NUDCD1: variants seen among roughly 807,000 people sequenced by gnomAD.
NUDCD1 encodes NudC domain containing 1.
NUDCD1 carries 60 observed loss-of-function variants against 67.8 expected under a neutral mutation model. The observed-to-expected ratio is 0.88, with a 90% CI of 0.72 to 1.10. The LOEUF (loss-of-function observed/expected upper bound fraction) is 1.10. Ranked by LOEUF, NUDCD1 falls within the 50% of genes least tolerant of loss-of-function variation. NUDCD1 has a pLI of 0.00. For missense variants in NUDCD1, 643 were observed against 695.0 expected, an observed-to-expected ratio of 0.93 and a Z score of 0.84; for synonymous variants, 244 against 230.8, an observed-to-expected ratio of 1.06 and a Z score of -0.52.
intron 6 of NUDCD1, among the ~76,000 whole-genome samples, chr8:109,278,867 G>A (rs1199969679): frequency 6.6e-6 from 1 of 152,022 alleles, no homozygotes; most frequent in Non-Finnish European, 1.5e-5. Context: ...ATTTGTTTTG[G>A]CTTTGTTTTG....
intron 7 of NUDCD1, among the ~76,000 whole-genome samples, chr8:109,271,587 A>G (rs2129953010): frequency 6.6e-6 from 1 of 152,300 alleles, no homozygotes; most frequent in Non-Finnish European, 1.5e-5. Context: ...ACAATATCAA[A>G]TGGTCTAGCA....
At chr8:109,320,221 T>C (rs537160316) in intron 2 of NUDCD1, among the ~76,000 whole-genome samples, 1 of 152,300 alleles carries the variant, frequency 6.6e-6, no homozygotes, top group Admixed American at 6.5e-5. Context: ...GGCAGGAATT[T>C]CCTCTTCCTA....
rs1011801925 is a variant in NUDCD1 at position 109,298,984 on chromosome 8, C to G, written c.274-2415G>C. Reference sequence around the variant, plus strand: ...GAGAGACCCCTCAAACACACACCCCCACTTGGAACCTGAAGGTCTAGGTTA... The same window carrying G: ...GAGAGACCCCTCAAACACACACCCCGACTTGGAACCTGAAGGTCTAGGTTA... On this transcript the variant is annotated intron_variant, in intron 2 of 9. Coordinates refer to ENST00000239690, the MANE Select transcript of NUDCD1 (RefSeq NM_032869.4). 2.2e-4 allele frequency: 34 copies of G among 152,606 alleles called. 1 individual carries two copies. Among genetic ancestry groups the G allele is most frequent in the Admixed American group, 2.1e-3 (32 of 15,304 alleles). The allele number at this position is 152,606 out of a possible 1,614,324, so 9.5% of individuals were successfully genotyped here.
intron 8 of NUDCD1, among the ~76,000 whole-genome samples, chr8:109,246,973 C>T (rs1563657040): frequency 6.6e-6 from 1 of 152,214 alleles, no homozygotes; most frequent in Admixed American, 6.5e-5. Flanking sequence ...AACCCATCTT[C>T]TGCTCCCCAG....
intron 1 of NUDCD1, among the ~76,000 whole-genome samples, chr8:109,333,317 T>TA (rs1283313194): frequency 6.6e-6 from 1 of 152,176 alleles, no homozygotes; most frequent in African/African-American, 2.4e-5. Context: ...CAGCTACAGA[T>TA]AAAGCAAGGA....
Position 109,333,907 on chromosome 8 carries a change from A to G in NUDCD1, c.104T>C (p.Leu35Pro). The change falls in exon 1 of 10, where the codon CTG (leucine) becomes CCG (proline). Residue 35 changes from leucine (L) to proline (P), a missense_variant. Transcript: ENST00000239690. Reference sequence around the variant, plus strand: ...CCGCTTCCCACCTGCGTCAAGCTCCAGCTGGTAACAAGGCAGCGGCTCAAG... The same window carrying G: ...CCGCTTCCCACCTGCGTCAAGCTCCGGCTGGTAACAAGGCAGCGGCTCAAG... ...LSLEPLPCYQ[L>P]ELDAAVAEVK... 6.2e-7 allele frequency: 1 copy of G among 1,614,180 alleles called. No individual in the cohort carries two copies. The highest frequency in any genetic ancestry group is 1.1e-5 in the South Asian group (1 of 91,088).
At chr8:109,332,050 CAT>C (rs763451094) in intron 1 of NUDCD1, among the ~76,000 whole-genome samples, 20 of 152,174 alleles carry the variant, frequency 1.3e-4, no homozygotes, top group Non-Finnish European at 1.9e-4. Context: ...TTCTCTTCTT[CAT>C]ATACTCATTT....
Position 109,330,382 on chromosome 8 carries a change from C to T in NUDCD1, c.118+3511G>A, listed in dbSNP as rs187607338. Among the ~76,000 whole-genome samples, 326 of 152,146 alleles carry T rather than the reference C, an allele frequency of 2.1e-3. 2 individuals carry two copies. Among genetic ancestry groups the T allele is most frequent in the African/African-American group, 7.4e-3 (309 of 41,492 alleles). ...GCAGTGTTTCAGGTAGCCAAGGTGC[C>T]CATCAAAGGTTTGTGGAACTAAAGT... On this transcript the variant is annotated intron_variant, in intron 1 of 9. Coordinates refer to ENST00000239690, the MANE Select transcript of NUDCD1 (RefSeq NM_032869.4).
chr8:109,246,291 C>T (rs185299505), intron 8 of NUDCD1, among the ~76,000 whole-genome samples: 1 of 152,290 alleles, frequency 6.6e-6, no homozygotes, highest in Admixed American at 6.5e-5. Flanking sequence ...TATGAGCACA[C>T]TCTCATAACA....
intron 8 of NUDCD1, among the ~76,000 whole-genome samples, chr8:109,262,871 T>C (rs552083764): frequency 1.3e-5 from 2 of 151,792 alleles, no homozygotes; most frequent in South Asian, 2.1e-4. Context: ...CTGGCCAACA[T>C]GGTGAAACCT....
chr8:109,245,466 T>C lies in NUDCD1; in HGVS notation c.1315A>G (p.Asn439Asp). ...ACTATGACAGAGAAAAGGTACTGGTTGCTTCCAAGATTCACCTAAAAAGTG... is the reference window on the plus strand; with the variant it reads ...ACTATGACAGAGAAAAGGTACTGGTCGCTTCCAAGATTCACCTAAAAAGTG... ...KTTHVVNLGS[N>D]QYLFSVIVDP... Residue 439 changes from asparagine to aspartate, a missense_variant, in exon 9 of 10, where the codon AAC becomes GAC. Asn to Asp is a conservative substitution (Grantham distance 23). Coordinates refer to ENST00000239690, the MANE Select transcript of NUDCD1 (RefSeq NM_032869.4). The C allele has an allele frequency of 6.2e-7, 1 of 1,608,304 alleles. No homozygotes were observed. The highest frequency in any genetic ancestry group is 2.2e-5 in the East Asian group (1 of 44,782).
chr8:109,261,276 G>T (rs1427727009), intron 8 of NUDCD1, among the ~76,000 whole-genome samples: 2 of 152,012 alleles, frequency 1.3e-5, no homozygotes, highest in Non-Finnish European at 2.9e-5. Flanking sequence ...ATTACACAAG[G>T]ACTACAAGGT....
chr8:109,320,146 G>A (rs1183197980), intron 2 of NUDCD1, among the ~76,000 whole-genome samples: 1 of 152,186 alleles, frequency 6.6e-6, no homozygotes, highest in African/African-American at 2.4e-5. Flanking sequence ...AGGCACCATT[G>A]TCATTGATAA....
chr8:109,321,755 G>C (rs1009579625), intron 2 of NUDCD1, among the ~76,000 whole-genome samples: 1 of 151,754 alleles, frequency 6.6e-6, no homozygotes, highest in Non-Finnish European at 1.5e-5. Context: ...TTAAAAACAA[G>C]AACACTGATA....
chr8:109,298,673 C>T (rs1314790233), intron 2 of NUDCD1: 1 of 152,146 alleles, frequency 6.6e-6, no homozygotes, highest in East Asian at 1.9e-4. Flanking sequence ...ATATGTATAA[C>T]ATAAAAAAAG....
intron 8 of NUDCD1, among the ~76,000 whole-genome samples, chr8:109,251,863 G>A (rs1813630358): frequency 6.6e-6 from 1 of 151,884 alleles, no homozygotes; most frequent in Non-Finnish European, 1.5e-5. Context: ...CTAAATTGGG[G>A]CACTTTTTTC....
At chr8:109,302,654 G>T (rs528109053) in intron 2 of NUDCD1, among the ~76,000 whole-genome samples, 1 of 152,280 alleles carries the variant, frequency 6.6e-6, no homozygotes, top group Admixed American at 6.5e-5. Context: ...GGCTGGAGAT[G>T]AAGGCATAGC....
intron 2 of NUDCD1, among the ~76,000 whole-genome samples, chr8:109,305,778 T>C (rs904438830): frequency 5.3e-5 from 8 of 152,058 alleles, no homozygotes; most frequent in African/African-American, 1.9e-4. Context: ...TAGTCATCTA[T>C]AGTACCCCAA....
intron 2 of NUDCD1, 39 bp downstream of exon 2, chr8:109,322,270 A>G: frequency 8.7e-7 from 1 of 1,146,472 alleles, no homozygotes. Context: ...GCTTGATATT[A>G]CATACATATA....
Sources: gnomAD v4.1 joint callset for allele counts (sites outside exome capture counted in the v4.1 genomes callset) on GRCh38, gnomAD v4.1.1 for gene constraint, MANE v1.5 for transcripts, NCBI Gene and HGNC (gene_info 2026-07-23, HGNC 2026-07-21) for gene names.